The following DRC11 variants were observed in gnomAD, a reference collection of about 807,000 sequenced individuals.
DRC11 encodes dynein regulatory complex subunit 11.
the DRC11 span, chr2:236,377,065 C>CA: frequency 7.7e-7 from 1 of 1,296,270 alleles, no homozygotes; most frequent in Non-Finnish European, 1.1e-6. The surrounding 1 kb of genome is among the most constrained non-coding windows in gnomAD (Gnocchi z 4.9). Context: ...CAAGAGGTGA[C>CA]ACGTGACACA....
At chr2:236,398,237 C>T in the DRC11 span, among the ~76,000 whole-genome samples, 1 of 152,224 alleles carries the variant, frequency 6.6e-6, no homozygotes, top group South Asian at 2.1e-4. The surrounding 1 kb of genome is among the most constrained non-coding windows in gnomAD (Gnocchi z 6.2). Context: ...CTGCCAGTGT[C>T]ATCGTGTCCC....
chr2:236,331,789 C>G, the DRC11 span: 1 of 585,176 alleles, frequency 1.7e-6, no homozygotes, highest in African/African-American at 1.9e-5. This position sits in a 1 kb window ranked among gnomAD's most constrained non-coding sequence, Gnocchi z 4.8. Context: ...AACCATAAGC[C>G]ATACATATCA....
chr2:236,411,148 C>T, the DRC11 span, among the ~76,000 whole-genome samples: 1 of 150,534 alleles, frequency 6.6e-6, no homozygotes, highest in Non-Finnish European at 1.5e-5. Flanking sequence ...ACCTACTCAT[C>T]TGACAAAGGG....
the DRC11 span, among the ~76,000 whole-genome samples, chr2:236,456,340 C>G: frequency 6.6e-6 from 1 of 152,136 alleles, no homozygotes; most frequent in East Asian, 1.9e-4. The surrounding 1 kb of genome is among the most constrained non-coding windows in gnomAD (Gnocchi z 5.4). Context: ...TCACGCAGCC[C>G]GCAAGTGATA....
chr2:236,438,469 A>T, the DRC11 span, among the ~76,000 whole-genome samples: 1 of 150,122 alleles, frequency 6.7e-6, no homozygotes, highest in Non-Finnish European at 1.5e-5. Flanking sequence ...GTTTTTTCCA[A>T]TTCTGTGAAG....
the DRC11 span, among the ~76,000 whole-genome samples, chr2:236,447,636 C>T: frequency 6.6e-6 from 1 of 152,256 alleles, no homozygotes; most frequent in African/African-American, 2.4e-5. The surrounding 1 kb of genome is among the most constrained non-coding windows in gnomAD (Gnocchi z 4.6). Context: ...TCAGCATCCA[C>T]TTCCCGCACT....
chr2:236,362,638 C>A, the DRC11 span, among the ~76,000 whole-genome samples: 1 of 152,054 alleles, frequency 6.6e-6, no homozygotes, highest in Non-Finnish European at 1.5e-5. This position sits in a 1 kb window ranked among gnomAD's most constrained non-coding sequence, Gnocchi z 5.7. Context: ...AAAAGCTATA[C>A]GTGGATTTTC....
the DRC11 span, among the ~76,000 whole-genome samples, chr2:236,405,712 A>G: frequency 1.3e-5 from 2 of 152,210 alleles, no homozygotes; most frequent in Non-Finnish European, 2.9e-5. The surrounding 1 kb of genome is among the most constrained non-coding windows in gnomAD (Gnocchi z 4.6). Context: ...CAAGGAGGAT[A>G]CATTCCAAGA....
the DRC11 span, among the ~76,000 whole-genome samples, chr2:236,360,412 G>A: frequency 6.6e-6 from 1 of 152,220 alleles, no homozygotes; most frequent in Non-Finnish European, 1.5e-5. The surrounding 1 kb of genome is among the most constrained non-coding windows in gnomAD (Gnocchi z 5.8). Flanking sequence ...GGGATATATA[G>A]ATGCTTACGA....
the DRC11 span, chr2:236,465,701 G>A: frequency 6.2e-7 from 1 of 1,606,430 alleles, no homozygotes; most frequent in Non-Finnish European, 8.5e-7. This position sits in a 1 kb window ranked among gnomAD's most constrained non-coding sequence, Gnocchi z 6.2. Flanking sequence ...TTAAAGAGAG[G>A]AGGTGGATTC....
chr2:236,312,571 A>C, the DRC11 span, among the ~76,000 whole-genome samples: 1 of 152,180 alleles, frequency 6.6e-6, no homozygotes, highest in Non-Finnish European at 1.5e-5. Flanking sequence ...TTTCAGAAAA[A>C]ATTGTATAGG....
chr2:236,383,348 G>A, the DRC11 span, among the ~76,000 whole-genome samples: 1 of 152,008 alleles, frequency 6.6e-6, no homozygotes, highest in East Asian at 1.9e-4. Context: ...TCTTAGTCTA[G>A]CACAGAGTTT....
chr2:236,318,085 G>A, the DRC11 span, among the ~76,000 whole-genome samples: 3 of 152,200 alleles, frequency 2.0e-5, no homozygotes, highest in African/African-American at 7.2e-5. This position sits in a 1 kb window ranked among gnomAD's most constrained non-coding sequence, Gnocchi z 7.0. Context: ...CCTGTTGCCA[G>A]TCCACGCCAC....
chr2:236,423,859 T>TACTATGCA, the DRC11 span, among the ~76,000 whole-genome samples: 2 of 152,066 alleles, frequency 1.3e-5, no homozygotes, highest in Non-Finnish European at 2.9e-5. Context: ...CACCATGGAA[T>TACTATGCA]ACTATGCAGC....
At chr2:236,437,990 TG>T in the DRC11 span, among the ~76,000 whole-genome samples, 411 of 139,962 alleles carry the variant, frequency 2.9e-3, 1 homozygote, top group African/African-American at 0.011. Flanking sequence ...CCATTGCTTT[TG>T]GTGTTTTAGA....
chr2:236,403,907 G>A, the DRC11 span, among the ~76,000 whole-genome samples: 4 of 152,032 alleles, frequency 2.6e-5, no homozygotes, highest in East Asian at 1.9e-4. Flanking sequence ...CTCTTCCCCC[G>A]ATGCCTTTTA....
chr2:236,357,278 T>TTCA, the DRC11 span, among the ~76,000 whole-genome samples: 20,299 of 118,452 alleles, frequency 0.17, 2,025 homozygotes, highest in Non-Finnish European at 0.22. Flanking sequence ...TATACATATA[T>TTCA]TATATATTTA....
the DRC11 span, among the ~76,000 whole-genome samples, chr2:236,447,333 T>C: frequency 6.6e-6 from 1 of 151,590 alleles, no homozygotes; most frequent in Non-Finnish European, 1.5e-5. This position sits in a 1 kb window ranked among gnomAD's most constrained non-coding sequence, Gnocchi z 4.6. Context: ...GCTGGTGTCC[T>C]CGTGAGAAGA....
the DRC11 span, among the ~76,000 whole-genome samples, chr2:236,357,960 T>G: frequency 9.9e-6 from 1 of 101,018 alleles, no homozygotes; most frequent in African/African-American, 4.2e-5. Flanking sequence ...TAAATATATA[T>G]AATATATGAA....
Sources: allele counts gnomAD v4.1 joint callset (sites outside exome capture counted in the v4.1 genomes callset), GRCh38; gene constraint gnomAD v4.1.1; non-coding constraint Gnocchi (gnomAD v3.1); transcripts MANE v1.5; gene names NCBI Gene and HGNC (gene_info 2026-07-23, HGNC 2026-07-21).